Variants in ACYP2 observed in about 807,000 individuals in gnomAD.
ACYP2 encodes acylphosphatase 2.
Under a neutral mutation model 11.2 loss-of-function variants are expected in ACYP2, and 12 were observed. That is an observed-to-expected ratio of 1.08 (90% CI 0.69 to 1.74). The LOEUF is 1.74. ACYP2 is among the 40% of genes most tolerant of loss of function. The pLI is 0.00. For missense variants in ACYP2, 134 were observed against 101.9 expected, an observed-to-expected ratio of 1.31 and a Z score of -1.35; for synonymous variants, 43 against 32.2, an observed-to-expected ratio of 1.33 and a Z score of -1.13.
chr2:54,177,901 C>CTTTTTT (rs1241070377), intron 6 of ACYP2, among the ~76,000 whole-genome samples: 14 of 124,058 alleles, frequency 1.1e-4, no homozygotes, highest in African/African-American at 5.0e-4. Flanking sequence ...TTCTTTCTTT[C>CTTTTTT]TTTATTTTTT....
At chr2:54,153,660 C>T (rs1206580508) in intron 6 of ACYP2, among the ~76,000 whole-genome samples, 1 of 147,634 alleles carries the variant, frequency 6.8e-6, no homozygotes, top group Middle Eastern at 3.6e-3. Context: ...AGTGCAGTGG[C>T]GTGATCTCGG....
chr2:54,300,002 AC>A (rs986157011), intron 6 of ACYP2, among the ~76,000 whole-genome samples: 2 of 151,920 alleles, frequency 1.3e-5, no homozygotes, highest in African/African-American at 4.8e-5. Context: ...CTCTTCCTCC[AC>A]CCCACTTATT....
chr2:54,199,085 C>A (rs1684642061), intron 6 of ACYP2, among the ~76,000 whole-genome samples: 1 of 152,194 alleles, frequency 6.6e-6, no homozygotes, highest in East Asian at 1.9e-4. Flanking sequence ...TTAGGTTTCT[C>A]AGAACACCAT....
At chr2:54,130,299 A>G (rs780252068) in intron 4 of ACYP2, among the ~76,000 whole-genome samples, 7 of 152,198 alleles carry the variant, frequency 4.6e-5, no homozygotes, top group Non-Finnish European at 1.0e-4. Context: ...AGGAATAGTC[A>G]GTACAAAGGC....
rs191043309 is a variant in ACYP2 at position 54,129,783 on chromosome 2, C to G, written c.278-5670C>G. On this transcript the variant is annotated intron_variant, in intron 4 of 6. Transcript: ENST00000607452. ...GAATGCAGTAAATTGAGCATCATCA[C>G]TTTGAAAGTAAACTTAAAGTCTAAT... 3.4e-5 allele frequency among the ~76,000 whole-genome samples: 5 copies of G among 148,954 alleles called. No homozygotes were observed. The East Asian group carries it at 9.7e-4, about 29-fold the overall frequency.
chr2:54,049,423 C>A (rs992791238), intron 2 of ACYP2, among the ~76,000 whole-genome samples: 2 of 152,190 alleles, frequency 1.3e-5, no homozygotes, highest in Non-Finnish European at 2.9e-5. Context: ...TTCCTATCCA[C>A]ATGTAAATAT....
At chr2:54,016,287 T>G (rs1673679311) in intron 2 of ACYP2, among the ~76,000 whole-genome samples, 1 of 152,076 alleles carries the variant, frequency 6.6e-6, no homozygotes, top group Admixed American at 6.6e-5. Context: ...TATGTAGCCT[T>G]GCCTACTCAT....
intron 2 of ACYP2, among the ~76,000 whole-genome samples, chr2:54,007,906 G>T (rs1261585812): frequency 3.3e-5 from 5 of 152,036 alleles, no homozygotes; most frequent in Non-Finnish European, 7.4e-5. Context: ...AAAAAAAGGT[G>T]GTTTAGTTTT....
chr2:54,001,547 C>T (rs903549762), intron 2 of ACYP2, among the ~76,000 whole-genome samples: 11 of 152,090 alleles, frequency 7.2e-5, no homozygotes, highest in Non-Finnish European at 1.3e-4. Context: ...GTGCATGCCA[C>T]CAAGCCCAGC....
At chr2:54,061,233 T>C (rs1676454835) in intron 4 of ACYP2, among the ~76,000 whole-genome samples, 1 of 152,236 alleles carries the variant, frequency 6.6e-6, no homozygotes, top group African/African-American at 2.4e-5. Context: ...AAGATGACTT[T>C]TATGTCTTAG....
At chr2:54,115,421 C>A (rs1572785883) in intron 4 of ACYP2, 194 bp from the exon 1 acceptor site, 1 of 688,154 alleles carries the variant, frequency 1.5e-6, no homozygotes, top group Non-Finnish European at 2.3e-6. Context: ...GTAGGGAGCG[C>A]TGTGGAGACA....
At chr2:54,028,524 G>A (rs896603066) in intron 2 of ACYP2, among the ~76,000 whole-genome samples, 1 of 152,168 alleles carries the variant, frequency 6.6e-6, no homozygotes, top group Non-Finnish European at 1.5e-5. Context: ...CACCAAAGAA[G>A]AAAATAGTTA....
chr2:54,187,377 C>A (rs948399353), intron 6 of ACYP2, among the ~76,000 whole-genome samples: 2 of 152,228 alleles, frequency 1.3e-5, no homozygotes, highest in South Asian at 4.1e-4. Context: ...TGGTGTAGTC[C>A]GCACATCTTG....
In ACYP2 at chr2:54,255,889, T is replaced by C; in HGVS notation, c.405-48799T>C. ...CTCCGCGGGTGGTGGAGTCACTTCC[T>C]GCCCCGCTTTGATGGCTCCATGACT... On this transcript the variant is annotated intron_variant, in intron 6 of 6. Coordinates refer to ENST00000607452, the MANE Select transcript of ACYP2 (RefSeq NM_001320586.2). 6.2e-7 allele frequency: 1 copy of C among 1,614,064 alleles called. No homozygotes were observed.
chr2:54,151,555 C>T (rs1682172152), intron 6 of ACYP2, among the ~76,000 whole-genome samples: 1 of 152,116 alleles, frequency 6.6e-6, no homozygotes, highest in South Asian at 2.1e-4. Flanking sequence ...GAACAAAATT[C>T]ACTGAGGAGC....
chr2:54,282,175 CAGA>C (rs1688878340), intron 6 of ACYP2, among the ~76,000 whole-genome samples: 1 of 152,154 alleles, frequency 6.6e-6, no homozygotes, highest in Admixed American at 6.5e-5. Flanking sequence ...TATGAAATAA[CAGA>C]AGAATATACA....
At chr2:53,992,279 A>G (rs1672339179) in intron 2 of ACYP2, among the ~76,000 whole-genome samples, 1 of 151,708 alleles carries the variant, frequency 6.6e-6, no homozygotes. Flanking sequence ...ATTTTAACCT[A>G]GTGAGTGAAC....
chr2:54,258,481 A>G (rs1687649920), intron 6 of ACYP2, among the ~76,000 whole-genome samples: 1 of 151,272 alleles, frequency 6.6e-6, no homozygotes, highest in Admixed American at 6.6e-5. Flanking sequence ...AGGGTCTTGT[A>G]TGATAGTGTA....
chr2:54,123,122 T>C (rs915228961), intron 4 of ACYP2: 6 of 371,222 alleles, frequency 1.6e-5, no homozygotes, highest in Non-Finnish European at 2.9e-5. Flanking sequence ...ATTTACCCAG[T>C]AGATGAGTCA....
Sources: allele counts gnomAD v4.1 joint callset (sites outside exome capture counted in the v4.1 genomes callset), GRCh38; gene constraint gnomAD v4.1.1; transcripts MANE v1.5; gene names NCBI Gene and HGNC (gene_info 2026-07-23, HGNC 2026-07-21).